Variants in TMPRSS3 observed in about 807,000 individuals in gnomAD.
TMPRSS3 encodes the protein transmembrane protease serine 3.
TMPRSS3 carries 55 observed loss-of-function variants against 59.6 expected under a neutral mutation model. The ratio of observed to expected loss-of-function variants is 0.92; its 90% CI spans 0.74 to 1.16. The LOEUF (loss-of-function observed/expected upper bound fraction) is 1.16. TMPRSS3 is among the 50% of genes most tolerant of loss of function. TMPRSS3 has a pLI of 0.00. For synonymous variants in TMPRSS3, 257 were observed against 237.7 expected, an observed-to-expected ratio of 1.08 and a Z score of -0.75; for missense variants, 596 against 579.4, an observed-to-expected ratio of 1.03 and a Z score of -0.29.
chr21:42,382,314 T>G (rs747445264), intron 8 of TMPRSS3, 80 bp from the exon 9 acceptor site: 1 of 1,321,216 alleles, frequency 7.6e-7, no homozygotes, highest in Non-Finnish European at 1.1e-6. Context: ...CCTGAAAACC[T>G]AGGAAGATGG....
At chr21:42,375,361 GC>G (rs66777641) in intron 12 of TMPRSS3, among the ~76,000 whole-genome samples, 5,973 of 127,422 alleles carry the variant, frequency 0.047, 135 homozygotes, top group East Asian at 0.073. Context: ...TCAGCCCCCC[GC>G]CCCCTCCCAC....
Position 42,375,806 on chromosome 21 carries a change from G to A in TMPRSS3, c.1254C>T (p.Thr418=), listed in dbSNP as rs745791794. Residue 418 remains threonine, a synonymous_variant, in exon 12 of 13, where the codon ACC becomes ACT. Transcript: ENST00000644384. ...CCTCTGCGCAGCCGATGCCAAAGCT[G>A]GTCGCTCCCACTAACTTCCACAGCC... The part of the protein sequence containing the change: ...ERRLWKLVGA[T]SFGIGCAEVN... 4 of 1,613,864 alleles carry A rather than the reference G, an allele frequency of 2.5e-6. No individual in the cohort carries two copies. The highest frequency in any genetic ancestry group is 3.4e-6 in the Non-Finnish European group (4 of 1,180,002).
chr21:42,372,537 G>A lies in TMPRSS3; in HGVS notation c.*225C>T, dbSNP rs911372415. On this transcript the variant is annotated 3_prime_UTR_variant, in exon 13 of 13. Transcript: ENST00000644384. ...ATTTCGCCACTGCACTCCAGCCTGG[G>A]CAACAGAGCGAGACTCCATCTCAAA... 3 of 671,758 alleles carry A rather than the reference G, an allele frequency of 4.5e-6. No individual in the cohort carries two copies. The highest frequency in any genetic ancestry group is 3.5e-5 in the African/African-American group (2 of 56,544). 41.6% of individuals were successfully genotyped at this position (671,758 alleles called of 1,614,324 possible). A position where few individuals can be genotyped will look rare whatever the true frequency, so the allele number is the denominator to read the frequency against.
chr21:42,379,100 G>A (rs1440873871), intron 10 of TMPRSS3, among the ~76,000 whole-genome samples: 1 of 151,894 alleles, frequency 6.6e-6, no homozygotes, highest in Non-Finnish European at 1.5e-5. Flanking sequence ...GGCCAAGCTG[G>A]TCTCAAACTC....
chr21:42,389,224 G>T (rs1350737242), intron 3 of TMPRSS3, 179 bp from the exon 4 acceptor site: 1 of 1,340,114 alleles, frequency 7.5e-7, no homozygotes, highest in East Asian at 2.5e-5. Flanking sequence ...ATTCCAAGGG[G>T]TGGGGCTGCT....
chr21:42,382,222 G>A lies in TMPRSS3; in HGVS notation c.795C>T (p.Pro265=). The A allele has an allele frequency of 1.2e-6, 2 of 1,614,146 alleles. No homozygotes were observed. Among genetic ancestry groups the A allele is most frequent in the Non-Finnish European group, 1.7e-6 (2 of 1,179,996 alleles). ...GACCCACCTGGATGGTCCATGACTT[G>A]GGGAGGTACAAGCTGAAATGAGAAG... ...AAHCVYDLYL[P]KSWTIQVGLV... is the part of the protein sequence containing the mutation. Residue 265 remains proline, a synonymous_variant, in exon 9 of 13, where the codon CCC becomes CCT. Coordinates refer to ENST00000644384, the MANE Select transcript of TMPRSS3 (RefSeq NM_001256317.3).
chr21:42,373,570 CAG>C (rs1216129439), intron 12 of TMPRSS3, among the ~76,000 whole-genome samples: 1 of 152,250 alleles, frequency 6.6e-6, no homozygotes, highest in Admixed American at 6.5e-5. Flanking sequence ...ACCTCCCAAT[CAG>C]ACTCCAGATA....
intron 5 of TMPRSS3, among the ~76,000 whole-genome samples, chr21:42,387,136 G>T (rs2052648044): frequency 6.6e-6 from 1 of 152,174 alleles, no homozygotes; most frequent in South Asian, 2.1e-4. Context: ...GACAGCTGGG[G>T]CTCCTGACTT....
rs765583795 is a variant in TMPRSS3 at position 42,372,691 on chromosome 21, G to T, written c.*71C>A. The T allele has an allele frequency of 1.9e-6, 3 of 1,540,006 alleles. No individual in the cohort carries two copies. Among genetic ancestry groups the T allele is most frequent in the African/African-American group, 2.7e-5 (2 of 73,518 alleles). On this transcript the variant is annotated 3_prime_UTR_variant, in exon 13 of 13. Coordinates refer to ENST00000644384, the MANE Select transcript of TMPRSS3 (RefSeq NM_001256317.3). Reference sequence around the variant, plus strand: ...TCTGCTCGTGTGCAGGTTCCTACACGGGAGTCCAGGGGAGGATCGGGCTGT... The same window carrying T: ...TCTGCTCGTGTGCAGGTTCCTACACTGGAGTCCAGGGGAGGATCGGGCTGT...
At chr21:42,373,051 G>A (rs1242267005) in intron 12 of TMPRSS3, among the ~76,000 whole-genome samples, 3 of 152,186 alleles carry the variant, frequency 2.0e-5, no homozygotes, top group African/African-American at 7.2e-5. Context: ...TCGGCACTAT[G>A]TTCCTGAGTT....
intron 9 of TMPRSS3, 112 bp from the exon 10 acceptor site, chr21:42,380,324 A>C: frequency 1.1e-6 from 1 of 871,520 alleles, no homozygotes; most frequent in Non-Finnish European, 1.9e-6. Flanking sequence ...AAGGGAAGGA[A>C]GGTCAAGCCC....
Position 42,375,855 on chromosome 21 carries a change from C to T in TMPRSS3, c.1205G>A (p.Gly402Glu). 6.2e-7 allele frequency: 1 copy of T among 1,613,740 alleles called. No homozygotes were observed. The highest frequency in any genetic ancestry group is 2.2e-5 in the East Asian group (1 of 44,870). The change falls in exon 12 of 13, where the codon GGG becomes GAG. Residue 402 changes from glycine to glutamate, a missense_variant. By Grantham distance (98) the Gly-to-Glu change is moderately conservative. Coordinates refer to ENST00000644384, the MANE Select transcript of TMPRSS3 (RefSeq NM_001256317.3). ...GVDSCQGDSG[G>E]PLVCQERRLW... Reference sequence around the variant, plus strand: ...CCTCCTCTCTTGACACACCAGGGGCCCCCCGCTGTCCCCCTGGGTGACAGG... The same window carrying T: ...CCTCCTCTCTTGACACACCAGGGGCTCCCCGCTGTCCCCCTGGGTGACAGG...
intron 10 of TMPRSS3, among the ~76,000 whole-genome samples, chr21:42,377,529 C>T (rs1221232163): frequency 6.6e-6 from 1 of 152,194 alleles, no homozygotes; most frequent in Non-Finnish European, 1.5e-5. Context: ...TGAGATGATA[C>T]CTTTCTGTCA....
chr21:42,372,800 GTTA>G, intron 12 of TMPRSS3, 21 bp from the exon 13 acceptor site: 1 of 1,613,930 alleles, frequency 6.2e-7, no homozygotes. Context: ...AAACAAAGGC[GTTA>G]TTGTTTTTAG....
At chr21:42,386,477 T>G (rs537938304) in intron 5 of TMPRSS3, among the ~76,000 whole-genome samples, 20 of 152,330 alleles carry the variant, frequency 1.3e-4, no homozygotes, top group African/African-American at 4.8e-4. Context: ...TTGGCCCCAG[T>G]GCAGGTGGCG....
chr21:42,382,668 C>A, intron 8 of TMPRSS3: 1 of 409,616 alleles, frequency 2.4e-6, no homozygotes, highest in Non-Finnish European at 4.6e-6. Context: ...AACATATTCC[C>A]TCTAGCCTCC....
At chr21:42,379,863 C>A (rs1326127067) in intron 10 of TMPRSS3, among the ~76,000 whole-genome samples, 1 of 152,134 alleles carries the variant, frequency 6.6e-6, no homozygotes, top group Non-Finnish European at 1.5e-5. Context: ...AAGGGAAACA[C>A]CTGCTGTGTT....
rs770666997 is a variant in TMPRSS3 at position 42,376,599 on chromosome 21, A to G, written c.1133T>C (p.Ile378Thr). Residue 378 changes from isoleucine (I) to threonine (T), a missense_variant, in exon 11 of 13, where the codon ATC becomes ACC. Coordinates refer to ENST00000644384, the MANE Select transcript of TMPRSS3 (RefSeq NM_001256317.3). ...ICNHRDVYGG[I>T]ISPSMLCAGY... The stretch of plus-strand genomic sequence containing the variant: ...CGCGCAGAGCATGGAGGGGGAGATG[A>G]TGCCACCGTACACGTCCCTGTGGTT... 6.2e-7 allele frequency: 1 copy of G among 1,614,000 alleles called. No homozygotes were observed. The highest frequency in any genetic ancestry group is 8.5e-7 in the Non-Finnish European group (1 of 1,180,018).
At chr21:42,395,755 A>T in intron 1 of TMPRSS3, 187 bp downstream of exon 1, 1 of 387,224 alleles carries the variant, frequency 2.6e-6, no homozygotes, top group South Asian at 2.1e-5. Flanking sequence ...CTTCAAATCG[A>T]TTGCTTTAGA....
Sources: gnomAD v4.1 joint callset for allele counts (sites outside exome capture counted in the v4.1 genomes callset) on GRCh38, gnomAD v4.1.1 for gene constraint, MANE v1.5 for transcripts, NCBI Gene and HGNC (gene_info 2026-07-23, HGNC 2026-07-21) for gene names.